The following ZNF385D variants were observed in gnomAD, a reference collection of about 807,000 sequenced individuals.
The protein encoded by ZNF385D is zinc finger protein 385D.
A neutral mutation model predicts 35.8 loss-of-function variants in ZNF385D; 15 were observed. The observed-to-expected ratio is 0.42, with a 90% CI of 0.28 to 0.64. ZNF385D has a LOEUF of 0.64. Ranked by LOEUF, ZNF385D falls within the 30% of genes least tolerant of loss-of-function variation. ZNF385D has a pLI of 0.23. For synonymous variants in ZNF385D, 212 were observed against 186.8 expected (o/e 1.13, Z -1.10); for missense variants, 474 against 494.6 (o/e 0.96, Z 0.39).
intron 2 of ZNF385D, among the ~76,000 whole-genome samples, chr3:22,184,210 CA>C (rs1377884940): frequency 6.6e-6 from 1 of 152,124 alleles, no homozygotes; most frequent in East Asian, 1.9e-4. Context: ...AGGAGGTGAA[CA>C]AATGATCTCT....
intron 2 of ZNF385D, among the ~76,000 whole-genome samples, chr3:22,196,449 T>C (rs1409270619): frequency 2.0e-5 from 3 of 152,116 alleles, no homozygotes; most frequent in Non-Finnish European, 4.4e-5. Flanking sequence ...CTATGTTCTA[T>C]TTGTTTTCTA....
intron 3 of ZNF385D, among the ~76,000 whole-genome samples, chr3:21,870,411 C>T (rs17009884): frequency 0.016 from 2,385 of 152,260 alleles, 38 homozygotes; most frequent in East Asian, 0.073. Context: ...GACATGGATG[C>T]TCTTCTACCC....
chr3:21,444,648 A>C (rs985953001), intron 4 of ZNF385D, among the ~76,000 whole-genome samples: 1 of 152,034 alleles, frequency 6.6e-6, no homozygotes, highest in Non-Finnish European at 1.5e-5. Flanking sequence ...CGGCCTCCCA[A>C]AGTGCTGGGA....
intron 1 of ZNF385D, among the ~76,000 whole-genome samples, chr3:21,690,037 T>C (rs1180435911): frequency 6.6e-6 from 1 of 152,160 alleles, no homozygotes; most frequent in Non-Finnish European, 1.5e-5. Context: ...TGTTAAAATG[T>C]ATGGCATGGA....
At chr3:21,578,131 T>C (rs1327473392) in intron 2 of ZNF385D, among the ~76,000 whole-genome samples, 2 of 152,172 alleles carry the variant, frequency 1.3e-5, no homozygotes, top group East Asian at 3.8e-4. Flanking sequence ...ATGTTTTCTT[T>C]AGAGAAATGT....
At chr3:22,177,763 G>A (rs781505130) in intron 2 of ZNF385D, among the ~76,000 whole-genome samples, 8 of 152,112 alleles carry the variant, frequency 5.3e-5, no homozygotes, top group Non-Finnish European at 8.8e-5. Flanking sequence ...TCCCTGGTGT[G>A]TGATGTTCCC....
At chr3:21,881,843 A>G (rs1698293335) in intron 3 of ZNF385D, among the ~76,000 whole-genome samples, 1 of 151,982 alleles carries the variant, frequency 6.6e-6, no homozygotes, top group African/African-American at 2.4e-5. Flanking sequence ...GTTGATTCCA[A>G]CCCTCATGGA....
chr3:21,786,843 A>G (rs1042489836), intron 3 of ZNF385D, among the ~76,000 whole-genome samples: 5 of 152,204 alleles, frequency 3.3e-5, no homozygotes, highest in Admixed American at 3.3e-4. Context: ...CGAATTCCCA[A>G]GCTAAGTGTC....
chr3:22,235,247 A>G (rs1012425247), intron 2 of ZNF385D, among the ~76,000 whole-genome samples: 5 of 152,122 alleles, frequency 3.3e-5, no homozygotes, highest in African/African-American at 1.2e-4. Context: ...TGTCTTCTCA[A>G]AAAGAATAAT....
chr3:21,961,854 G>T (rs10440125), intron 3 of ZNF385D, among the ~76,000 whole-genome samples: 104,012 of 151,888 alleles, frequency 0.68, 36,777 homozygotes, highest in Non-Finnish European at 0.77. Context: ...ATTTGCAGAA[G>T]TTGAGATAAA....
intron 3 of ZNF385D, among the ~76,000 whole-genome samples, chr3:21,962,117 A>G (rs2125320913): frequency 6.6e-6 from 1 of 152,274 alleles, no homozygotes; most frequent in Non-Finnish European, 1.5e-5. Context: ...CAGAAAACAT[A>G]TTATGGGCAA....
At chr3:22,345,029 T>C (rs1322304454) in intron 2 of ZNF385D, among the ~76,000 whole-genome samples, 5 of 152,170 alleles carry the variant, frequency 3.3e-5, no homozygotes, top group African/African-American at 1.2e-4. Flanking sequence ...TCTGAGAAAC[T>C]CTACAAAGCA....
intron 3 of ZNF385D, among the ~76,000 whole-genome samples, chr3:22,117,405 G>A (rs961365843): frequency 2.0e-5 from 3 of 151,980 alleles, no homozygotes; most frequent in Non-Finnish European, 4.4e-5. Context: ...CTAAATTATG[G>A]GGAATGGTTA....
At chr3:21,770,679 G>A (rs1032984881) in intron 3 of ZNF385D, among the ~76,000 whole-genome samples, 1 of 152,130 alleles carries the variant, frequency 6.6e-6, no homozygotes, top group African/African-American at 2.4e-5. Context: ...AAGACAGTGT[G>A]GTTATTCCTC....
chr3:21,456,420 G>T (rs749604259), intron 4 of ZNF385D, among the ~76,000 whole-genome samples: 10 of 152,182 alleles, frequency 6.6e-5, no homozygotes, highest in Non-Finnish European at 1.5e-4. Flanking sequence ...AAAAGGATGA[G>T]TTCATGTCCT....
intron 1 of ZNF385D, among the ~76,000 whole-genome samples, chr3:21,721,862 G>A (rs1360657913): frequency 1.3e-5 from 2 of 152,158 alleles, no homozygotes; most frequent in Non-Finnish European, 2.9e-5. Context: ...CACTTTGGGA[G>A]GCCCAGGCGG....
chr3:22,311,012 T>C (rs934413525), intron 2 of ZNF385D, among the ~76,000 whole-genome samples: 16 of 151,814 alleles, frequency 1.1e-4, no homozygotes, highest in Admixed American at 5.9e-4. Flanking sequence ...ATACGATGAA[T>C]TGAATCATAT....
At chr3:21,684,390 CTCTCTCTCTCTCTCCT>C (rs1401471341) in intron 1 of ZNF385D, among the ~76,000 whole-genome samples, 4 of 86,940 alleles carry the variant, frequency 4.6e-5, no homozygotes, top group South Asian at 4.5e-4. Context: ...CTCTCTCTCT[CTCTCTCTCTCTCTCCT>C]CTCTCTCTCT....
chr3:21,967,418 G>T (rs923296261), intron 3 of ZNF385D, among the ~76,000 whole-genome samples: 1 of 152,064 alleles, frequency 6.6e-6, no homozygotes, highest in African/African-American at 2.4e-5. Flanking sequence ...AGCTATTTTG[G>T]ATTATTTTAT....
Sources: gnomAD v4.1 joint callset for allele counts (sites outside exome capture counted in the v4.1 genomes callset) on GRCh38, gnomAD v4.1.1 for gene constraint, MANE v1.5 for transcripts, NCBI Gene and HGNC (gene_info 2026-07-23, HGNC 2026-07-21) for gene names.